KIAA1217: variants seen among roughly 807,000 people sequenced by gnomAD.
KIAA1217 encodes sickle tail protein homolog.
A neutral mutation model predicts 163.9 loss-of-function variants in KIAA1217; 88 were observed. The ratio of observed to expected loss-of-function variants is 0.54; its 90% CI spans 0.45 to 0.64. The LOEUF (loss-of-function observed/expected upper bound fraction) is 0.64. KIAA1217 is among the 30% of genes least tolerant of loss of function. KIAA1217 has a pLI of 0.00. For synonymous variants in KIAA1217, 903 were observed against 923.1 expected, an observed-to-expected ratio of 0.98 and a Z score of 0.39; for missense variants, 2,372 against 2,475.0, an observed-to-expected ratio of 0.96 and a Z score of 0.88.
At chr10:24,526,212 C>A (rs925268008) in intron 13 of KIAA1217, among the ~76,000 whole-genome samples, 21 of 152,084 alleles carry the variant, frequency 1.4e-4, no homozygotes, top group Non-Finnish European at 4.4e-5. Context: ...TATATCGAGA[C>A]GACCTGGCAA....
intron 2 of KIAA1217, among the ~76,000 whole-genome samples, chr10:24,140,918 A>G (rs2064038851): frequency 6.6e-6 from 1 of 152,174 alleles, no homozygotes; most frequent in Non-Finnish European, 1.5e-5. Flanking sequence ...ACAATATTAA[A>G]TAATAATTAT....
intron 2 of KIAA1217, among the ~76,000 whole-genome samples, chr10:24,346,370 G>A (rs2133927639): frequency 6.6e-6 from 1 of 151,944 alleles, no homozygotes; most frequent in Non-Finnish European, 1.5e-5. Context: ...TACTTGGGAG[G>A]CTGAGGCAGG....
intron 2 of KIAA1217, among the ~76,000 whole-genome samples, chr10:24,127,281 A>T (rs1161839349): frequency 2.0e-5 from 3 of 152,046 alleles, no homozygotes; most frequent in African/African-American, 7.2e-5. Context: ...AAATAAATGC[A>T]GCCACAGCCT....
chr10:24,513,416 A>G lies in KIAA1217; in HGVS notation c.2159A>G (p.Lys720Arg). Reference protein sequence around the residue: ...ERQKYLHEEEKIVKKLCELED... With the variant: ...ERQKYLHEEERIVKKLCELED... ...CAAAAATATCTTCATGAGGAAGAGA[A>G]GATCGTCAAGAAGTTGTGGTGAGTG... The change falls in exon 10 of 21, where the codon AAG (lysine) becomes AGG (arginine). Residue 720 changes from lysine to arginine, a missense_variant. Lys to Arg is a conservative substitution (Grantham distance 26). Transcript: ENST00000376454. The G allele has an allele frequency of 6.2e-7, 1 of 1,614,182 alleles. No homozygotes were observed. The highest frequency in any genetic ancestry group is 8.5e-7 in the Non-Finnish European group (1 of 1,180,000).
At chr10:24,085,544 T>TGGGCCCCATTGTG (rs1161014020) in intron 2 of KIAA1217, among the ~76,000 whole-genome samples, 1 of 152,130 alleles carries the variant, frequency 6.6e-6, no homozygotes, top group East Asian at 1.9e-4. Flanking sequence ...GTGGGTACTG[T>TGGGCCCCATTGTG]GTCTGCCCTG....
chr10:24,155,903 G>C (rs2064852647), intron 2 of KIAA1217, among the ~76,000 whole-genome samples: 1 of 152,112 alleles, frequency 6.6e-6, no homozygotes, highest in Non-Finnish European at 1.5e-5. Flanking sequence ...TGAGCTAAGA[G>C]TTTTCTCTAT....
At chr10:23,904,219 G>A (rs1032257230) in intron 1 of KIAA1217, among the ~76,000 whole-genome samples, 1 of 152,098 alleles carries the variant, frequency 6.6e-6, no homozygotes, top group Non-Finnish European at 1.5e-5. Context: ...TGCATTGCCT[G>A]AAATAATATC....
intron 1 of KIAA1217, among the ~76,000 whole-genome samples, chr10:23,708,977 G>A (rs1488589082): frequency 9.2e-5 from 14 of 152,142 alleles, no homozygotes; most frequent in Non-Finnish European, 1.5e-5. Flanking sequence ...CCAAGAGGAA[G>A]GTGGCTATGC....
chr10:23,809,203 G>A (rs544396409), intron 1 of KIAA1217, among the ~76,000 whole-genome samples: 8 of 151,870 alleles, frequency 5.3e-5, no homozygotes, highest in Non-Finnish European at 1.2e-4. Flanking sequence ...CATCATAAAA[G>A]CAAATGCAAG....
At chr10:24,486,981 GA>G in intron 6 of KIAA1217, among the ~76,000 whole-genome samples, 1 of 152,304 alleles carries the variant, frequency 6.6e-6, no homozygotes. Context: ...ATGGCTGAAA[GA>G]AAGGTCACCG....
intron 3 of KIAA1217, among the ~76,000 whole-genome samples, chr10:24,419,978 G>A (rs918487590): frequency 1.3e-5 from 2 of 152,030 alleles, no homozygotes; most frequent in Non-Finnish European, 2.9e-5. Flanking sequence ...CTGTTCCAAT[G>A]TATCAATAAC....
At chr10:24,256,412 G>A (rs957944566) in intron 2 of KIAA1217, among the ~76,000 whole-genome samples, 1 of 152,168 alleles carries the variant, frequency 6.6e-6, no homozygotes, top group African/African-American at 2.4e-5. Flanking sequence ...AAAATAAAAA[G>A]CAAACCCTCA....
intron 1 of KIAA1217, among the ~76,000 whole-genome samples, chr10:23,932,520 A>G (rs1843300857): frequency 6.7e-6 from 1 of 150,204 alleles, no homozygotes; most frequent in East Asian, 2.0e-4. Context: ...CACAACTTTG[A>G]AGAAATGTGT....
chr10:24,186,864 T>C (rs1311617061), intron 2 of KIAA1217, among the ~76,000 whole-genome samples: 2 of 152,124 alleles, frequency 1.3e-5, no homozygotes, highest in African/African-American at 4.8e-5. Flanking sequence ...CACTCCAGCC[T>C]GGGTGACAGA....
chr10:24,370,064 G>A (rs1420983867), intron 2 of KIAA1217, among the ~76,000 whole-genome samples: 1 of 152,124 alleles, frequency 6.6e-6, no homozygotes, highest in Non-Finnish European at 1.5e-5. Flanking sequence ...AGGAGATCGA[G>A]ACCATCCTGG....
rs971666826 is a variant in KIAA1217, at chr10:24,452,699, A to T, written c.846+14220A>T. On this transcript the variant is annotated intron_variant, in intron 5 of 20. Transcript: ENST00000376454. ...TGTCTCAAAAAAAAAAAAAAAAAAAATAGAATGAATGAGACCTAGTATTTG... is the reference window on the plus strand; with the variant it reads ...TGTCTCAAAAAAAAAAAAAAAAAAATTAGAATGAATGAGACCTAGTATTTG... 2.1e-4 allele frequency among the ~76,000 whole-genome samples: 30 copies of T among 144,426 alleles called. 2 individuals carry two copies. In the South Asian group the frequency reaches 2.4e-3, roughly 12 times the overall value. 94.7% of individuals were successfully genotyped at this position (144,426 alleles called of 152,430 possible).
chr10:23,811,627 G>A (rs923416152), intron 1 of KIAA1217, among the ~76,000 whole-genome samples: 1 of 152,006 alleles, frequency 6.6e-6, no homozygotes, highest in Non-Finnish European at 1.5e-5. Context: ...GCTGGAATTA[G>A]ATGTACAACT....
intron 1 of KIAA1217, among the ~76,000 whole-genome samples, chr10:23,725,627 G>A (rs1838092227): frequency 6.6e-6 from 1 of 152,144 alleles, no homozygotes; most frequent in South Asian, 2.1e-4. Flanking sequence ...AATAAAATAT[G>A]GAATGCTGTA....
intron 1 of KIAA1217, among the ~76,000 whole-genome samples, chr10:23,839,269 C>T (rs1838652540): frequency 1.3e-5 from 2 of 152,082 alleles, no homozygotes; most frequent in Non-Finnish European, 2.9e-5. Context: ...ATGACAAAAC[C>T]AGTATTGCTG....
Sources: allele counts gnomAD v4.1 joint callset (sites outside exome capture counted in the v4.1 genomes callset), GRCh38; gene constraint gnomAD v4.1.1; transcripts MANE v1.5; gene names NCBI Gene and HGNC (gene_info 2026-07-23, HGNC 2026-07-21).